The following THSD7B variants were observed in gnomAD, a reference collection of about 807,000 sequenced individuals.
The protein encoded by THSD7B is thrombospondin type-1 domain-containing protein 7B.
Under a neutral mutation model 213.6 loss-of-function variants are expected in THSD7B, and 138 were observed. The observed-to-expected ratio is 0.65, with a 90% CI of 0.56 to 0.74. The LOEUF (loss-of-function observed/expected upper bound fraction) is 0.74, where lower values mean the gene tolerates loss of function less well. THSD7B is among the 30% of genes least tolerant of loss of function. The pLI, the probability that THSD7B is intolerant of heterozygous loss-of-function variation, is 0.00. For synonymous variants in THSD7B, 742 were observed against 687.0 expected (o/e 1.08, Z -1.25); for missense variants, 1,931 against 1,991.5 (o/e 0.97, Z 0.58).
chr2:136,903,974 T>TGTG (rs1573701122), intron 2 of THSD7B, among the ~76,000 whole-genome samples: 409 of 28,512 alleles, frequency 0.014, 12 homozygotes, highest in Middle Eastern at 0.029. Flanking sequence ...GTGTGTGTGT[T>TGTG]TGTTTGTTTC....
intron 7 of THSD7B, among the ~76,000 whole-genome samples, chr2:137,221,933 T>C (rs1233420169): frequency 1.3e-5 from 2 of 152,206 alleles, no homozygotes; most frequent in Non-Finnish European, 2.9e-5. Flanking sequence ...GTCCAGATTC[T>C]TTTCTGCAGA....
At chr2:137,020,160 C>T (rs1318619070) in intron 2 of THSD7B, among the ~76,000 whole-genome samples, 5 of 152,100 alleles carry the variant, frequency 3.3e-5, no homozygotes, top group African/African-American at 7.2e-5. Context: ...TCTAACTACA[C>T]GTTAAAGGGC....
chr2:137,129,568 T>A (rs1169059557), intron 5 of THSD7B, among the ~76,000 whole-genome samples: 1 of 151,734 alleles, frequency 6.6e-6, no homozygotes, highest in Admixed American at 6.6e-5. Context: ...GCCTCCCAAG[T>A]AGCTGGGACC....
At chr2:137,434,752 T>C (rs1167341494) in intron 14 of THSD7B, among the ~76,000 whole-genome samples, 1 of 152,208 alleles carries the variant, frequency 6.6e-6, no homozygotes, top group African/African-American at 2.4e-5. Context: ...ATTTCTACGG[T>C]TATTTTCTCC....
At chr2:136,782,566 T>A (rs1291511657) in intron 1 of THSD7B, among the ~76,000 whole-genome samples, 1 of 152,098 alleles carries the variant, frequency 6.6e-6, no homozygotes, top group Non-Finnish European at 1.5e-5. Flanking sequence ...AAAGATGAAA[T>A]TATGTTATGC....
intron 1 of THSD7B, among the ~76,000 whole-genome samples, chr2:136,871,422 A>G (rs1036024529): frequency 3.3e-5 from 5 of 152,176 alleles, no homozygotes; most frequent in Non-Finnish European, 7.3e-5. Context: ...AAGACATACC[A>G]GAAATGGAGG....
At chr2:137,404,079 CAAAAT>C (rs1686438863) in intron 12 of THSD7B, among the ~76,000 whole-genome samples, 1 of 151,734 alleles carries the variant, frequency 6.6e-6, no homozygotes, top group African/African-American at 2.4e-5. Context: ...TAAAATAAAA[CAAAAT>C]AAATAGCATT....
chr2:137,465,184 G>C (rs1203915352), intron 15 of THSD7B, among the ~76,000 whole-genome samples: 3 of 151,818 alleles, frequency 2.0e-5, no homozygotes, highest in Non-Finnish European at 4.4e-5. Flanking sequence ...CTGAAACTAG[G>C]AGTAAGCAGG....
chr2:137,404,962 G>A (rs1184823863), intron 12 of THSD7B, among the ~76,000 whole-genome samples: 1 of 151,976 alleles, frequency 6.6e-6, no homozygotes, highest in East Asian at 1.9e-4. Flanking sequence ...TAAAGAATTT[G>A]TGTAACCAAA....
At position 137,554,938 on chromosome 2, in the gene THSD7B, C is replaced by A. The variant is rs537720784; in HGVS notation, c.3139-8283C>A. Reference sequence around the variant, plus strand: ...CGGAGGGTCCCATGCTCAGGGAGCCCCGCTCACTGCTAGCACAGCAGTCTG... The same window carrying A: ...CGGAGGGTCCCATGCTCAGGGAGCCACGCTCACTGCTAGCACAGCAGTCTG... On this transcript the variant is annotated intron_variant, in intron 15 of 27. Transcript: ENST00000409968. Among the ~76,000 whole-genome samples the A allele has an allele frequency of 3.9e-5, 6 of 152,234 alleles. No individual in the cohort carries two copies. The East Asian group carries it at 1.2e-3, about 29-fold the overall frequency.
At chr2:137,376,858 T>C (rs898278745) in intron 12 of THSD7B, among the ~76,000 whole-genome samples, 2 of 152,204 alleles carry the variant, frequency 1.3e-5, no homozygotes, top group African/African-American at 4.8e-5. Flanking sequence ...TTTAGTCTGA[T>C]GTCTTTTTAG....
chr2:137,618,662 A>G (rs916254525), intron 19 of THSD7B, among the ~76,000 whole-genome samples, 155 bp downstream of exon 19: 1 of 152,218 alleles, frequency 6.6e-6, no homozygotes, highest in Admixed American at 6.5e-5. Context: ...GTATGGTTAT[A>G]GCTCACTAGT....
chr2:137,255,917 AC>A (rs1682297519), intron 10 of THSD7B, among the ~76,000 whole-genome samples: 1 of 151,846 alleles, frequency 6.6e-6, no homozygotes, highest in African/African-American at 2.4e-5. Context: ...CAAACTCCTG[AC>A]CTCCAGTGGT....
intron 1 of THSD7B, among the ~76,000 whole-genome samples, chr2:136,781,259 C>T: frequency 6.8e-6 from 1 of 146,814 alleles, no homozygotes; most frequent in East Asian, 2.0e-4. Context: ...TGACTACTTA[C>T]CAGTTCTATT....
intron 15 of THSD7B, among the ~76,000 whole-genome samples, chr2:137,537,834 T>G (rs1680534850): frequency 6.6e-6 from 1 of 151,738 alleles, no homozygotes; most frequent in Non-Finnish European, 1.5e-5. Flanking sequence ...AGGCACTGGG[T>G]TTAGTATTGA....
chr2:137,658,617 GGA>G (rs1422495670), intron 24 of THSD7B, among the ~76,000 whole-genome samples: 1 of 152,110 alleles, frequency 6.6e-6, no homozygotes, highest in African/African-American at 2.4e-5. Flanking sequence ...GGTAGAAATA[GGA>G]CTGTGTGGTT....
intron 1 of THSD7B, among the ~76,000 whole-genome samples, chr2:136,879,812 A>C (rs1329390185): frequency 1.3e-5 from 2 of 152,168 alleles, no homozygotes; most frequent in Non-Finnish European, 1.5e-5. Flanking sequence ...CAGGGGTTGC[A>C]ATCCTAGTCT....
chr2:137,256,514 G>A (rs1207784096), intron 10 of THSD7B, among the ~76,000 whole-genome samples: 2 of 152,168 alleles, frequency 1.3e-5, no homozygotes, highest in Non-Finnish European at 2.9e-5. Flanking sequence ...CTTTGTAACT[G>A]AATGAATTAC....
At chr2:137,576,696 A>G (rs1681467240) in intron 17 of THSD7B, among the ~76,000 whole-genome samples, 1 of 151,974 alleles carries the variant, frequency 6.6e-6, no homozygotes, top group South Asian at 2.1e-4. Flanking sequence ...AGCTGCCATT[A>G]TTTCTTCAGG....
Sources: allele counts gnomAD v4.1 joint callset (sites outside exome capture counted in the v4.1 genomes callset), GRCh38; gene constraint gnomAD v4.1.1; transcripts MANE v1.5; gene names NCBI Gene and HGNC (gene_info 2026-07-23, HGNC 2026-07-21).